EPHA6: variants seen among roughly 807,000 people sequenced by gnomAD.
EPHA6 encodes EPH receptor A6, also known as ephrin type-A receptor 6.
Under a neutral mutation model 112.0 loss-of-function variants are expected in EPHA6, and 50 were observed. The observed-to-expected ratio is 0.45, with a 90% CI of 0.36 to 0.56. EPHA6 has a LOEUF of 0.56. Ranked by LOEUF, EPHA6 falls within the 20% of genes least tolerant of loss-of-function variation. The pLI, the probability that EPHA6 is intolerant of heterozygous loss-of-function variation, is 0.00. For missense variants in EPHA6, 1,280 were observed against 1,417.4 expected, an observed-to-expected ratio of 0.90 and a Z score of 1.56; for synonymous variants, 529 against 490.7, an observed-to-expected ratio of 1.08 and a Z score of -1.03.
At chr3:96,855,317 C>CATAG (rs2035630439) in intron 1 of EPHA6, among the ~76,000 whole-genome samples, 1 of 152,152 alleles carries the variant, frequency 6.6e-6, no homozygotes, top group South Asian at 2.1e-4. Flanking sequence ...ACAGCATATA[C>CATAG]ATAGGTTCCT....
chr3:97,159,823 A>T (rs1221608689), intron 3 of EPHA6, among the ~76,000 whole-genome samples: 1 of 152,224 alleles, frequency 6.6e-6, no homozygotes, highest in Admixed American at 6.5e-5. Context: ...GGCATTCTGT[A>T]AATCCACAGA....
Position 97,592,679 on chromosome 3 carries a change from C to T in EPHA6, c.2454C>T (p.Ser818=), listed in dbSNP as rs551507958. 6.2e-7 allele frequency: 1 copy of T among 1,612,688 alleles called. No homozygotes were observed. The highest frequency in any genetic ancestry group is 1.1e-5 in the South Asian group (1 of 90,772). ...PSFLRAGFLN[S]IQAPHPVPGG... is the part of the protein sequence containing the mutation. ...TCCTGAGGGCAGGGTTTTTAAATAG[C>T]ATCCAGGCCCCGCATCCAGTGCCAG... Residue 818 remains serine, a synonymous_variant, in exon 12 of 18, where the codon AGC becomes AGT. Coordinates refer to ENST00000389672, the MANE Select transcript of EPHA6 (RefSeq NM_001080448.3).
Position 96,835,230 on chromosome 3 carries a change from C to T in EPHA6, c.385+20222C>T, listed in dbSNP as rs548692455. Among the ~76,000 whole-genome samples the T allele has an allele frequency of 1.1e-4, 17 of 152,092 alleles. No individual in the cohort carries two copies. In the South Asian group the frequency reaches 1.7e-3, roughly 15 times the overall value. On this transcript the variant is annotated intron_variant, in intron 1 of 17. Transcript: ENST00000389672. ...AAATATGAGTAAATTTAGTCTTAGTCGTCTGTGAATTTACTGTTTAATACA... is the reference window on the plus strand; with the variant it reads ...AAATATGAGTAAATTTAGTCTTAGTTGTCTGTGAATTTACTGTTTAATACA...
intron 14 of EPHA6, among the ~76,000 whole-genome samples, chr3:97,711,575 G>A (rs1464077206): frequency 6.6e-6 from 1 of 152,060 alleles, no homozygotes. Flanking sequence ...AACTTGTATA[G>A]GTCCCAAAGT....
chr3:97,693,711 G>A lies in EPHA6; in HGVS notation c.2785-26550G>A, dbSNP rs558440734. On this transcript the variant is annotated intron_variant, in intron 14 of 17. Coordinates refer to ENST00000389672, the MANE Select transcript of EPHA6 (RefSeq NM_001080448.3). ...TAGTCCCAGCTACTCGGGAGACTGA[G>A]GCAGGAGAATGGCCTGAACCCGGGA... 3.4e-3 allele frequency among the ~76,000 whole-genome samples: 518 copies of A among 152,298 alleles called. 4 individuals carry two copies. The highest frequency in any genetic ancestry group is 0.012 in the African/African-American group (488 of 41,568).
At position 97,637,979 on chromosome 3, in the gene EPHA6, C is replaced by A; in HGVS notation, c.2681C>A (p.Ala894Glu). Residue 894 changes from alanine to glutamate, a missense_variant, in exon 14 of 18, where the codon GCG (alanine) becomes GAG (glutamate). This residue lies in a region of EPHA6 where 878 missense variants were observed against 999.7 expected (regional missense o/e 0.88). Transcript: ENST00000389672. ...ATGGGTTATGTTCATCGAGACCTAG[C>A]GGCTCGGAATATACTGGTCAATAGC... is the stretch of plus-strand genomic sequence containing the variant. ...SDMGYVHRDLAARNILVNSNL... is the reference protein window; with the variant it reads ...SDMGYVHRDLEARNILVNSNL... 1.2e-6 allele frequency: 2 copies of A among 1,613,740 alleles called. No homozygotes were observed. The highest frequency in any genetic ancestry group is 1.1e-5 in the South Asian group (1 of 91,082).
At chr3:97,347,814 G>T (rs1260144899) in intron 5 of EPHA6, among the ~76,000 whole-genome samples, 5 of 151,968 alleles carry the variant, frequency 3.3e-5, no homozygotes, top group Non-Finnish European at 7.4e-5. Flanking sequence ...TTTCAAAAAT[G>T]AATTTATCTG....
intron 11 of EPHA6, among the ~76,000 whole-genome samples, chr3:97,547,106 G>C (rs1201798339): frequency 6.6e-6 from 1 of 152,220 alleles, no homozygotes; most frequent in Non-Finnish European, 1.5e-5. Context: ...CATTGGTGGT[G>C]AGGAGCTGCA....
intron 3 of EPHA6, among the ~76,000 whole-genome samples, chr3:97,150,723 T>C (rs1365084031): frequency 1.3e-5 from 2 of 152,124 alleles, no homozygotes; most frequent in Non-Finnish European, 2.9e-5. Flanking sequence ...GCAGTATAAA[T>C]CTCAGTTCCT....
At chr3:97,089,494 T>C (rs1027972089) in intron 3 of EPHA6, among the ~76,000 whole-genome samples, 6 of 152,122 alleles carry the variant, frequency 3.9e-5, no homozygotes, top group African/African-American at 1.4e-4. Flanking sequence ...AATCTGAAAT[T>C]AATGCAAATT....
chr3:97,089,160 A>G (rs1173458247), intron 3 of EPHA6, among the ~76,000 whole-genome samples: 1 of 152,126 alleles, frequency 6.6e-6, no homozygotes, highest in Non-Finnish European at 1.5e-5. Context: ...ATAGAAAAGT[A>G]TTTCATACTT....
intron 5 of EPHA6, among the ~76,000 whole-genome samples, chr3:97,381,554 C>T (rs1163864316): frequency 6.6e-6 from 1 of 152,016 alleles, no homozygotes; most frequent in African/African-American, 2.4e-5. Flanking sequence ...ACATCACATG[C>T]GGAAAAGTTA....
At chr3:96,997,739 T>C (rs2043476388) in intron 3 of EPHA6, among the ~76,000 whole-genome samples, 1 of 151,990 alleles carries the variant, frequency 6.6e-6, no homozygotes, top group Non-Finnish European at 1.5e-5. Context: ...ACATTACATG[T>C]AATAAGGATG....
intron 11 of EPHA6, among the ~76,000 whole-genome samples, chr3:97,562,616 A>G (rs2093207531): frequency 1.3e-5 from 2 of 152,190 alleles, no homozygotes; most frequent in Non-Finnish European, 2.9e-5. Context: ...CACATTGTTG[A>G]CAGTGCAACA....
At chr3:97,402,508 A>G (rs1426038521) in intron 5 of EPHA6, among the ~76,000 whole-genome samples, 1 of 151,930 alleles carries the variant, frequency 6.6e-6, no homozygotes. Context: ...CCATTCCTTC[A>G]CTTTCAGTCT....
At chr3:97,274,758 G>A (rs1010684772) in intron 5 of EPHA6, among the ~76,000 whole-genome samples, 8 of 152,142 alleles carry the variant, frequency 5.3e-5, no homozygotes, top group African/African-American at 1.9e-4. Context: ...TGAGGAACAG[G>A]AAAGAAGGAA....
chr3:96,973,110 G>A (rs1045019200), intron 2 of EPHA6, among the ~76,000 whole-genome samples: 20 of 152,222 alleles, frequency 1.3e-4, no homozygotes, highest in African/African-American at 3.1e-4. Context: ...AAGGAATCTG[G>A]TTTTTTGGCC....
chr3:97,366,062 A>T (rs921778239), intron 5 of EPHA6, among the ~76,000 whole-genome samples: 3 of 152,160 alleles, frequency 2.0e-5, no homozygotes, highest in Non-Finnish European at 4.4e-5. Flanking sequence ...AATTAAGCAG[A>T]CTATCTCTAT....
At position 97,475,395 on chromosome 3, in the gene EPHA6, C is replaced by T. The variant is rs771380222; in HGVS notation, c.1938C>T (p.Ala646=). The T allele has an allele frequency of 8.1e-6, 13 of 1,612,232 alleles. No homozygotes were observed. The highest frequency in any genetic ancestry group is 1.1e-5 in the Non-Finnish European group (13 of 1,178,990). The stretch of plus-strand genomic sequence containing the variant: ...AACAAGGACAGATTCTCGTGATAGC[C>T]ACCGCCGCTGTTGGCGGATTCACTC... ...AAEQGQILVI[A]TAAVGGFTLL... is the part of the protein sequence containing the mutation. The change falls in exon 8 of 18, where the codon GCC becomes GCT. Residue 646 remains alanine (A), a synonymous_variant. Coordinates refer to ENST00000389672, the MANE Select transcript of EPHA6 (RefSeq NM_001080448.3).
Sources: gnomAD v4.1 joint callset for allele counts (sites outside exome capture counted in the v4.1 genomes callset) on GRCh38, gnomAD v4.1.1 for gene constraint, gnomAD v4.1.1 regional missense constraint, MANE v1.5 for transcripts, NCBI Gene and HGNC (gene_info 2026-07-23, HGNC 2026-07-21) for gene names.